Variants in TMC1 observed in about 807,000 individuals in gnomAD.
TMC1 encodes transmembrane channel-like protein 1.
A neutral mutation model predicts 105.8 loss-of-function variants in TMC1; 84 were observed. The observed-to-expected ratio is 0.79, with a 90% CI of 0.67 to 0.95. The LOEUF is 0.95. Among genes scored for constraint, TMC1 ranks in the 40% least tolerant of loss-of-function variants. TMC1 has a pLI of 0.00. For synonymous variants in TMC1, 315 were observed against 311.5 expected, an observed-to-expected ratio of 1.01 and a Z score of -0.12; for missense variants, 817 against 914.1, an observed-to-expected ratio of 0.89 and a Z score of 1.37.
intron 8 of TMC1, among the ~76,000 whole-genome samples, chr9:72,721,364 G>A (rs1564513478): frequency 6.6e-6 from 1 of 152,150 alleles, no homozygotes; most frequent in Non-Finnish European, 1.5e-5. Context: ...GGAAGCTTAG[G>A]GCTGTTTTCC....
At chr9:72,833,814 T>C (rs1458234508) in intron 23 of TMC1, among the ~76,000 whole-genome samples, 1 of 152,226 alleles carries the variant, frequency 6.6e-6, no homozygotes, top group Non-Finnish European at 1.5e-5. Context: ...TTGTGATTCT[T>C]AGTCTTTCTT....
At chr9:72,830,562 C>G (rs1297823388) in intron 22 of TMC1, 33 bp downstream of exon 22, 3 of 1,600,210 alleles carry the variant, frequency 1.9e-6, no homozygotes, top group East Asian at 2.2e-5. Context: ...GAAATATTAT[C>G]TTTATTAATG....
chr9:72,726,434 G>A (rs760301069), intron 8 of TMC1, among the ~76,000 whole-genome samples: 39 of 152,280 alleles, frequency 2.6e-4, no homozygotes, highest in Middle Eastern at 6.8e-3. Flanking sequence ...ATCAGGACAA[G>A]TTAGAAGGGA....
chr9:72,536,169 G>A (rs1486204293), intron 1 of TMC1, among the ~76,000 whole-genome samples: 1 of 152,090 alleles, frequency 6.6e-6, no homozygotes, highest in East Asian at 1.9e-4. Context: ...GCGACTCAAG[G>A]CAACTTCTTT....
intron 1 of TMC1, among the ~76,000 whole-genome samples, chr9:72,571,417 G>A (rs902844235): frequency 6.6e-6 from 1 of 150,732 alleles, no homozygotes; most frequent in African/African-American, 2.4e-5. Context: ...GCAGTATCCT[G>A]AAGCTGGTGT....
chr9:72,730,771 G>A (rs755273496), intron 8 of TMC1, among the ~76,000 whole-genome samples: 12 of 152,284 alleles, frequency 7.9e-5, no homozygotes, highest in South Asian at 2.1e-4. Flanking sequence ...GCAACTATAC[G>A]ATCCCATCTG....
intron 5 of TMC1, among the ~76,000 whole-genome samples, chr9:72,676,417 T>G (rs1385730524): frequency 1.3e-5 from 2 of 152,194 alleles, no homozygotes; most frequent in Non-Finnish European, 2.9e-5. Flanking sequence ...AATGCCCTTG[T>G]AGACTATTAA....
intron 17 of TMC1, among the ~76,000 whole-genome samples, chr9:72,804,217 C>T (rs1347634671): frequency 6.6e-6 from 1 of 152,094 alleles, no homozygotes. Flanking sequence ...GAACAACACA[C>T]ACTGGAGCCT....
At chr9:72,717,922 C>T (rs753692810) in intron 8 of TMC1, among the ~76,000 whole-genome samples, 5 of 152,122 alleles carry the variant, frequency 3.3e-5, no homozygotes, top group Non-Finnish European at 7.3e-5. Flanking sequence ...TCCTTAGGGA[C>T]TCCACTTATT....
chr9:72,796,175 C>T (rs1828363738), intron 17 of TMC1, among the ~76,000 whole-genome samples: 1 of 152,098 alleles, frequency 6.6e-6, no homozygotes, highest in Non-Finnish European at 1.5e-5. Context: ...GCACTCAATA[C>T]AAGAGTACCC....
chr9:72,754,725 C>A, intron 11 of TMC1, 61 bp from the exon 12 acceptor site: 1 of 1,313,072 alleles, frequency 7.6e-7, no homozygotes, highest in South Asian at 1.2e-5. Context: ...CATTTGTGAT[C>A]ACATGTGTGG....
chr9:72,663,394 T>C (rs1310143417), intron 5 of TMC1, among the ~76,000 whole-genome samples: 1 of 152,176 alleles, frequency 6.6e-6, no homozygotes, highest in Non-Finnish European at 1.5e-5. Flanking sequence ...TTGGGGAAGT[T>C]GCAAATCTTG....
At chr9:72,743,105 C>T (rs1374047862) in intron 10 of TMC1, among the ~76,000 whole-genome samples, 1 of 152,034 alleles carries the variant, frequency 6.6e-6, no homozygotes, top group East Asian at 1.9e-4. Context: ...CGGTGGCTCA[C>T]GCCTGTAATC....
intron 8 of TMC1, among the ~76,000 whole-genome samples, chr9:72,701,995 A>G (rs1187549164): frequency 2.0e-5 from 3 of 152,190 alleles, no homozygotes; most frequent in Non-Finnish European, 4.4e-5. Flanking sequence ...TTGTGTATGC[A>G]TGCTCATGTG....
At chr9:72,634,325 G>A (rs368243659) in intron 4 of TMC1, among the ~76,000 whole-genome samples, 3 of 152,302 alleles carry the variant, frequency 2.0e-5, no homozygotes, top group African/African-American at 4.8e-5. Context: ...AGGAGCAAGA[G>A]GGGAAGTTAA....
At chr9:72,794,055 CTG>C (rs1321413875) in intron 17 of TMC1, among the ~76,000 whole-genome samples, 1 of 152,140 alleles carries the variant, frequency 6.6e-6, no homozygotes, top group East Asian at 1.9e-4. Flanking sequence ...GAAGGCCAGT[CTG>C]TCTCTCACAG....
chr9:72,562,253 AT>A (rs1018705904), intron 1 of TMC1, among the ~76,000 whole-genome samples: 10 of 152,072 alleles, frequency 6.6e-5, no homozygotes, highest in African/African-American at 2.4e-4. Flanking sequence ...AAAAAACACA[AT>A]TTTTTTGAGG....
At chr9:72,701,255 A>T (rs995689878) in intron 8 of TMC1, among the ~76,000 whole-genome samples, 1 of 152,206 alleles carries the variant, frequency 6.6e-6, no homozygotes, top group Non-Finnish European at 1.5e-5. Context: ...TATTCCCCGA[A>T]CATGTCAGTG....
At chr9:72,719,334 C>A (rs574090930) in intron 8 of TMC1, among the ~76,000 whole-genome samples, 1 of 152,320 alleles carries the variant, frequency 6.6e-6, no homozygotes, top group East Asian at 1.9e-4. Flanking sequence ...AATTGCTTCT[C>A]TGGGGACCCG....
Sources: gnomAD v4.1 joint callset for allele counts (sites outside exome capture counted in the v4.1 genomes callset) on GRCh38, gnomAD v4.1.1 for gene constraint, MANE v1.5 for transcripts, NCBI Gene and HGNC (gene_info 2026-07-23, HGNC 2026-07-21) for gene names.